Variants in CENPP observed in about 807,000 individuals in gnomAD.
CENPP encodes centromere protein P.
In CENPP, 24 loss-of-function variants were observed where a neutral mutation model predicts 35.6. The observed-to-expected ratio is 0.67, with a 90% CI of 0.49 to 0.95. The LOEUF is 0.95. Among genes scored for constraint, CENPP ranks in the 40% least tolerant of loss-of-function variants. The pLI, the probability that CENPP is intolerant of heterozygous loss-of-function variation, is 0.00. For missense variants in CENPP, 332 were observed against 345.3 expected (o/e 0.96, Z 0.31); for synonymous variants, 120 against 125.5 (o/e 0.96, Z 0.29).
intron 5 of CENPP, among the ~76,000 whole-genome samples, chr9:92,509,222 A>G (rs1847191230): frequency 6.6e-6 from 1 of 152,132 alleles, no homozygotes; most frequent in African/African-American, 2.4e-5. Context: ...GTGTGGAGTT[A>G]GCAGGACTTC....
intron 5 of CENPP, among the ~76,000 whole-genome samples, chr9:92,405,327 C>T (rs1394520351): frequency 4.0e-5 from 6 of 151,886 alleles, no homozygotes; most frequent in Non-Finnish European, 5.9e-5. Flanking sequence ...CTCCTTGGTG[C>T]TTTTACCAAT....
At chr9:92,432,736 A>G (rs1363117399) in intron 5 of CENPP, among the ~76,000 whole-genome samples, 2 of 152,384 alleles carry the variant, frequency 1.3e-5, no homozygotes, top group Non-Finnish European at 2.9e-5. Context: ...AGTTTCTTCT[A>G]CAATGACTGG....
At chr9:92,415,998 T>TTA (rs1041135203) in intron 5 of CENPP, among the ~76,000 whole-genome samples, 1 of 145,654 alleles carries the variant, frequency 6.9e-6, no homozygotes, top group Non-Finnish European at 1.5e-5. Context: ...AAATTATCAG[T>TTA]TATATATATA....
intron 5 of CENPP, chr9:92,384,503 G>C (rs1842349345): frequency 6.6e-6 from 1 of 152,160 alleles, no homozygotes; most frequent in South Asian, 2.1e-4. Flanking sequence ...TGGGGTACAA[G>C]TGAGAGGAAT....
At chr9:92,379,917 G>A in intron 5 of CENPP, 58 bp downstream of exon 5, 1 of 1,044,298 alleles carries the variant, frequency 9.6e-7, no homozygotes, top group African/African-American at 1.6e-5. Context: ...GATATTAATT[G>A]AGAATTCATC....
chr9:92,550,164 G>T (rs1052058829), intron 5 of CENPP, among the ~76,000 whole-genome samples: 2 of 152,186 alleles, frequency 1.3e-5, no homozygotes, highest in South Asian at 4.1e-4. Context: ...TTGGGAGGCT[G>T]AGGCAGGAGG....
At chr9:92,437,780 G>T (rs1844284377) in intron 5 of CENPP, among the ~76,000 whole-genome samples, 1 of 151,640 alleles carries the variant, frequency 6.6e-6, no homozygotes, top group African/African-American at 2.4e-5. Flanking sequence ...ATTTTTTGGA[G>T]ACACTGTCTC....
intron 5 of CENPP, among the ~76,000 whole-genome samples, chr9:92,502,112 G>A (rs1846715039): frequency 6.6e-6 from 1 of 152,140 alleles, no homozygotes; most frequent in South Asian, 2.1e-4. Context: ...TGTGTGCAGG[G>A]GAATAATCCT....
At chr9:92,391,035 T>G (rs1295023130) in intron 5 of CENPP, among the ~76,000 whole-genome samples, 1 of 151,106 alleles carries the variant, frequency 6.6e-6, no homozygotes, top group Admixed American at 6.6e-5. Context: ...GAGGCCAAGG[T>G]GGGCAGATCA....
At chr9:92,387,143 T>C (rs79606756) in intron 5 of CENPP, among the ~76,000 whole-genome samples, 5,381 of 150,958 alleles carry the variant, frequency 0.036, 128 homozygotes, top group South Asian at 0.086. Flanking sequence ...GAGGTCAATG[T>C]GGGTGGATCA....
At chr9:92,394,272 T>C (rs907975129) in intron 5 of CENPP, among the ~76,000 whole-genome samples, 9 of 152,166 alleles carry the variant, frequency 5.9e-5, no homozygotes, top group African/African-American at 1.9e-4. Context: ...AGACAGAGTC[T>C]TGCCCTGTTG....
Position 92,619,654 on chromosome 9 carries a change from A to ACTG in CENPP, c.*6508_*6510dup. The ACTG allele has an allele frequency of 8.6e-7, 1 of 1,166,684 alleles. No individual in the cohort carries two copies. The highest frequency in any genetic ancestry group is 2.0e-5 in the Admixed American group (1 of 50,276). 72.3% of individuals were successfully genotyped at this position (1,166,684 alleles called of 1,614,324 possible). A position where few individuals can be genotyped will look rare whatever the true frequency, so the allele number is the denominator to read the frequency against. Reference sequence around the variant, plus strand: ...TCCTTCCCAGTAGCCAAGTGTGGGAACTGCTTCCTGCCTCAGAACCTGAGG... The same window carrying ACTG: ...TCCTTCCCAGTAGCCAAGTGTGGGAACTGCTGCTTCCTGCCTCAGAACCTGAGG... On this transcript the variant is annotated 3_prime_UTR_variant, in exon 8 of 8. Transcript: ENST00000375587.
chr9:92,615,881 G>A lies in CENPP; in HGVS notation c.*2732G>A. On this transcript the variant is annotated 3_prime_UTR_variant, in exon 8 of 8. Transcript: ENST00000375587. Reference sequence around the variant, plus strand: ...GCAATCTTCGCTTTCCTTGAACCGAGTCGACATCACGGCGTTGTCTTTGGC... The same window carrying A: ...GCAATCTTCGCTTTCCTTGAACCGAATCGACATCACGGCGTTGTCTTTGGC... 6.2e-7 allele frequency: 1 copy of A among 1,614,188 alleles called. No homozygotes were observed.
At chr9:92,430,419 TTCTC>T (rs1025199129) in intron 5 of CENPP, among the ~76,000 whole-genome samples, 1 of 151,804 alleles carries the variant, frequency 6.6e-6, no homozygotes, top group East Asian at 1.9e-4. Flanking sequence ...TATCCATCTC[TTCTC>T]TCTCTTTTTT....
intron 3 of CENPP, among the ~76,000 whole-genome samples, chr9:92,345,078 C>G (rs1427934168): frequency 1.3e-5 from 2 of 151,524 alleles, no homozygotes; most frequent in Non-Finnish European, 2.9e-5. Context: ...GGTGAAACCC[C>G]GTCTCTACTA....
intron 5 of CENPP, chr9:92,505,641 T>A: frequency 6.2e-7 from 1 of 1,608,190 alleles, no homozygotes; most frequent in Admixed American, 1.7e-5. Flanking sequence ...TGACATTGGC[T>A]TCACTGAGAT....
At chr9:92,514,940 C>G (rs1241259901) in intron 5 of CENPP, 2 of 1,613,972 alleles carry the variant, frequency 1.2e-6, no homozygotes, top group Non-Finnish European at 1.7e-6. Flanking sequence ...TGCTTTCTGT[C>G]TCCTCCTCTG....
intron 5 of CENPP, among the ~76,000 whole-genome samples, chr9:92,532,902 T>C (rs1347549058): frequency 6.6e-6 from 1 of 152,150 alleles, no homozygotes; most frequent in Admixed American, 6.6e-5. Flanking sequence ...ATATTGTATA[T>C]GAAAATACTT....
Position 92,618,450 on chromosome 9 carries a change from C to T in CENPP, c.*5301C>T, listed in dbSNP as rs544631120. On this transcript the variant is annotated 3_prime_UTR_variant, in exon 8 of 8. Coordinates refer to ENST00000375587, the MANE Select transcript of CENPP (RefSeq NM_001012267.3). Reference sequence around the variant, plus strand: ...TAGACGAGGTGAGTAACATGTCTGTCCTTCAGCGGCCTTTCACAGCCCACC... The same window carrying T: ...TAGACGAGGTGAGTAACATGTCTGTTCTTCAGCGGCCTTTCACAGCCCACC... 1 of 456,704 alleles carries T rather than the reference C, an allele frequency of 2.2e-6. No individual in the cohort carries two copies. Among genetic ancestry groups the T allele is most frequent in the East Asian group, 6.9e-5 (1 of 14,398 alleles). The allele number at this position is 456,704 out of a possible 1,614,324, so 28.3% of individuals were successfully genotyped here.
Sources: gnomAD v4.1 joint callset for allele counts (sites outside exome capture counted in the v4.1 genomes callset) on GRCh38, gnomAD v4.1.1 for gene constraint, MANE v1.5 for transcripts, NCBI Gene and HGNC (gene_info 2026-07-23, HGNC 2026-07-21) for gene names.